TEX29: variants seen among roughly 807,000 people sequenced by gnomAD.
TEX29 encodes the protein testis-expressed protein 29.
In TEX29, 26 loss-of-function variants were observed where a neutral mutation model predicts 18.2. The ratio of observed to expected loss-of-function variants is 1.43; its 90% CI spans 1.04 to 1.98. The LOEUF is 1.98. TEX29 is among the 30% of genes most tolerant of loss of function. The pLI, the probability that TEX29 is intolerant of heterozygous loss-of-function variation, is 0.00. For synonymous variants in TEX29, 83 were observed against 78.5 expected (o/e 1.06, Z -0.31); for missense variants, 177 against 194.2 (o/e 0.91, Z 0.53).
chr13:111,316,919 G>A (rs1273134958), upstream of TEX29, among the ~76,000 whole-genome samples: 2 of 152,124 alleles, frequency 1.3e-5, no homozygotes, highest in African/African-American at 2.4e-5. Flanking sequence ...TCACAAGGTG[G>A]TGAGAAGGTA....
intron 3 of TEX29, among the ~76,000 whole-genome samples, chr13:111,329,737 G>T (rs879904072): frequency 6.6e-6 from 1 of 152,100 alleles, no homozygotes; most frequent in Non-Finnish European, 1.5e-5. Flanking sequence ...CACTCAGAAT[G>T]GGAGGCACAT....
At chr13:111,343,205 C>G (rs2093699412) in intron 5 of TEX29, among the ~76,000 whole-genome samples, 1 of 152,156 alleles carries the variant, frequency 6.6e-6, no homozygotes, top group Non-Finnish European at 1.5e-5. Context: ...CTGGCGGGGC[C>G]CTCATTGTTA....
At chr13:111,329,391 TGTGCAGC>T (rs1245374123) in intron 3 of TEX29, among the ~76,000 whole-genome samples, 4 of 152,000 alleles carry the variant, frequency 2.6e-5, no homozygotes, top group Non-Finnish European at 4.4e-5. Context: ...CCCCTGGCTT[TGTGCAGC>T]TCAGGGCCAC....
chr13:111,344,241 GAA>G lies in TEX29; in HGVS notation c.*121_*122del. On this transcript the variant is annotated 3_prime_UTR_variant, in exon 6 of 6. Transcript: ENST00000283547. ...AAAGAGAAAAAAATAAAGGTATTTT[GAA>G]AATTGCTTCTCGTCCGATGTTGCTT... 1 of 859,430 alleles carries G rather than the reference GAA, an allele frequency of 1.2e-6. No individual in the cohort carries two copies. Among genetic ancestry groups the G allele is most frequent in the African/African-American group, 1.7e-5 (1 of 58,214 alleles). The allele number at this position is 859,430 out of a possible 1,614,324, so 53.2% of individuals were successfully genotyped here. A position where few individuals can be genotyped will look rare whatever the true frequency, so the allele number is the denominator to read the frequency against.
chr13:111,329,397 G>T (rs9284256), intron 3 of TEX29, among the ~76,000 whole-genome samples: 4,668 of 151,938 alleles, frequency 0.031, 120 homozygotes, highest in African/African-American at 0.069. Context: ...GCTTTGTGCA[G>T]CTCAGGGCCA....
rs200312275 is a variant in TEX29, at chr13:111,328,284, G to A, written c.160G>A (p.Ala54Thr). The change falls in exon 3 of 6, where the codon GCG (alanine) becomes ACG (threonine). Residue 54 changes from alanine to threonine, a missense_variant. Coordinates refer to ENST00000283547, the MANE Select transcript of TEX29 (RefSeq NM_152324.3). ...CFYEGVCYKK[A>T]VPIYIHVFSA... ...CTACGAAGGCGTCTGCTACAAGAAA[G>A]CGGTTCCCAGTGAGTAGACGCCCCG... 1 of 1,613,396 alleles carries A rather than the reference G, an allele frequency of 6.2e-7. No individual in the cohort carries two copies. Among genetic ancestry groups the A allele is most frequent in the Admixed American group, 1.7e-5 (1 of 60,030 alleles).
At chr13:111,336,204 CTG>C (rs1311863997) in intron 3 of TEX29, among the ~76,000 whole-genome samples, 1 of 152,230 alleles carries the variant, frequency 6.6e-6, no homozygotes, top group African/African-American at 2.4e-5. Context: ...GGTTGTGTGA[CTG>C]TGCTTTTCTT....
At chr13:111,333,062 C>T (rs1337989646) in intron 3 of TEX29, among the ~76,000 whole-genome samples, 1 of 152,122 alleles carries the variant, frequency 6.6e-6, no homozygotes, top group Non-Finnish European at 1.5e-5. Flanking sequence ...TATCTCATTG[C>T]CTTCTGGCCT....
At chr13:111,338,025 C>T (rs143783824) in intron 3 of TEX29, among the ~76,000 whole-genome samples, 300 of 152,330 alleles carry the variant, frequency 2.0e-3, no homozygotes, top group African/African-American at 6.9e-3. Context: ...CTGGGCACCT[C>T]ATCCATTGCT....
intron 4 of TEX29, 61 bp from the exon 5 acceptor site, chr13:111,342,695 G>A: frequency 4.5e-6 from 7 of 1,543,228 alleles, no homozygotes; most frequent in Non-Finnish European, 6.2e-6. Context: ...GTGGGAGGGA[G>A]GAACTGGAGA....
At position 111,344,122 on chromosome 13, in the gene TEX29, G is replaced by A. The variant is rs1307288049; in HGVS notation, c.455G>A (p.Ter152=). Residue 152 remains the stop codon, a stop_retained_variant, in exon 6 of 6, where the codon TGA becomes TAA. Transcript: ENST00000283547. ...ACAGAAGCCGAAGAAACTGAGGACT[G>A]ACTGAGACGCATGAAGAAGTGGAGA... is the stretch of plus-strand genomic sequence containing the variant. The part of the protein sequence containing the change: ...TITEAEETED[*] 5 of 1,613,026 alleles carry A rather than the reference G, an allele frequency of 3.1e-6. No homozygotes were observed. In the South Asian group the frequency reaches 5.5e-5, roughly 18 times the overall value.
At chr13:111,320,558 C>T, upstream of TEX29, 2 of 419,446 alleles carry the variant, frequency 4.8e-6, no homozygotes, top group South Asian at 5.2e-5. Context: ...CTCCGAAGTC[C>T]TGTGTGACGC....
intron 3 of TEX29, among the ~76,000 whole-genome samples, chr13:111,335,267 G>A (rs1399234820): frequency 6.6e-6 from 1 of 152,120 alleles, no homozygotes; most frequent in African/African-American, 2.4e-5. Context: ...GCTTTTTCCC[G>A]AAGGAGTCCA....
At chr13:111,339,292 A>C (rs1411338231) in intron 3 of TEX29, 2 of 454,776 alleles carry the variant, frequency 4.4e-6, no homozygotes, top group Non-Finnish European at 4.4e-6. Flanking sequence ...CCTTGTATTC[A>C]GTTTAGGGGA....
intron 5 of TEX29, among the ~76,000 whole-genome samples, chr13:111,343,334 C>T (rs938144264): frequency 7.9e-5 from 12 of 151,898 alleles, no homozygotes; most frequent in African/African-American, 2.2e-4. Flanking sequence ...ACCCTGGCCA[C>T]GTGGTGGTCT....
intron 3 of TEX29, among the ~76,000 whole-genome samples, chr13:111,330,993 A>G (rs929635705): frequency 7.9e-5 from 12 of 152,214 alleles, no homozygotes; most frequent in Non-Finnish European, 1.6e-4. Context: ...GCTATTATAA[A>G]TGATGCTGCT....
intron 3 of TEX29, among the ~76,000 whole-genome samples, chr13:111,334,527 T>C (rs2093686951): frequency 6.6e-6 from 1 of 152,230 alleles, no homozygotes; most frequent in Non-Finnish European, 1.5e-5. Flanking sequence ...AGGGCCACCA[T>C]AGGTCTTTCC....
At chr13:111,331,718 T>C (rs1200128573) in intron 3 of TEX29, among the ~76,000 whole-genome samples, 1 of 152,196 alleles carries the variant, frequency 6.6e-6, no homozygotes, top group Non-Finnish European at 1.5e-5. Flanking sequence ...TTTATCCTTT[T>C]TGAGTTAACT....
intron 3 of TEX29, among the ~76,000 whole-genome samples, chr13:111,337,524 G>A (rs533809536): frequency 7.2e-5 from 11 of 152,182 alleles, no homozygotes; most frequent in Admixed American, 6.5e-4. Flanking sequence ...TTTTTACCTG[G>A]TCTCGGGGGT....
Sources: allele counts gnomAD v4.1 joint callset (sites outside exome capture counted in the v4.1 genomes callset), GRCh38; gene constraint gnomAD v4.1.1; transcripts MANE v1.5; gene names NCBI Gene and HGNC (gene_info 2026-07-23, HGNC 2026-07-21).